ADAMTS16: variants seen among roughly 807,000 people sequenced by gnomAD.
ADAMTS16 encodes the protein A disintegrin and metalloproteinase with thrombospondin motifs 16.
ADAMTS16 carries 94 observed loss-of-function variants against 145.8 expected under a neutral mutation model. The ratio of observed to expected loss-of-function variants is 0.64; its 90% CI spans 0.55 to 0.77. ADAMTS16 has a LOEUF of 0.77. ADAMTS16 is among the 30% of genes least tolerant of loss of function. ADAMTS16 has a pLI of 0.00. For missense variants in ADAMTS16, 1,585 were observed against 1,591.5 expected (o/e 1.00, Z 0.07); for synonymous variants, 659 against 604.3 (o/e 1.09, Z -1.33).
rs531546890 is a variant in ADAMTS16, at chr5:5,231,782, C to T, written c.1702-586C>T. On this transcript the variant is annotated intron_variant, in intron 11 of 22. Coordinates refer to ENST00000274181, the MANE Select transcript of ADAMTS16 (RefSeq NM_139056.4). ...AAGGGGAAGAGATAGCATCTCCAGC[C>T]TTCGTGGGGACAGATGAAATTCCAC... Among the ~76,000 whole-genome samples, 6 of 152,312 alleles carry T rather than the reference C, an allele frequency of 3.9e-5. No individual in the cohort carries two copies. The South Asian group carries it at 1.0e-3, about 26-fold the overall frequency.
intron 17 of ADAMTS16, among the ~76,000 whole-genome samples, chr5:5,257,770 A>C (rs1737843410): frequency 6.6e-6 from 1 of 152,184 alleles, no homozygotes; most frequent in African/African-American, 2.4e-5. Context: ...GACTACCTGG[A>C]ATTAGCATCA....
chr5:5,207,401 C>G (rs1163454675), intron 9 of ADAMTS16, among the ~76,000 whole-genome samples: 1 of 152,060 alleles, frequency 6.6e-6, no homozygotes, highest in Non-Finnish European at 1.5e-5. Context: ...TATCCTGCAA[C>G]TTTGCCGTAA....
intron 18 of ADAMTS16, among the ~76,000 whole-genome samples, chr5:5,267,246 C>A (rs573276972): frequency 6.6e-6 from 1 of 152,134 alleles, no homozygotes; most frequent in Non-Finnish European, 1.5e-5. Flanking sequence ...GCATGTGTTA[C>A]GGTGTGCTCT....
chr5:5,206,583 G>T (rs1419174039), intron 9 of ADAMTS16, among the ~76,000 whole-genome samples: 1 of 151,054 alleles, frequency 6.6e-6, no homozygotes, highest in Non-Finnish European at 1.5e-5. Flanking sequence ...GGGTTCAAGC[G>T]ATTCTCCTGC....
At chr5:5,173,096 G>A (rs1199945726) in intron 3 of ADAMTS16, among the ~76,000 whole-genome samples, 1 of 149,698 alleles carries the variant, frequency 6.7e-6, no homozygotes, top group African/African-American at 2.5e-5. Flanking sequence ...TTTATTTTTA[G>A]TCTATTTTTA....
At chr5:5,242,902 G>C (rs771038903) in intron 17 of ADAMTS16, among the ~76,000 whole-genome samples, 6 of 152,150 alleles carry the variant, frequency 3.9e-5, no homozygotes, top group Non-Finnish European at 8.8e-5. Context: ...AATTCTATCT[G>C]ATATGTATAA....
chr5:5,293,271 C>T (rs887782632), intron 18 of ADAMTS16, among the ~76,000 whole-genome samples: 8 of 152,118 alleles, frequency 5.3e-5, no homozygotes, highest in African/African-American at 1.4e-4. Flanking sequence ...GTCACTGCCT[C>T]TTGTGGCTGT....
In ADAMTS16 at chr5:5,230,577, C is replaced by A. The variant is rs368495042; in HGVS notation, c.1702-1791C>A. On this transcript the variant is annotated intron_variant, in intron 11 of 22. Transcript: ENST00000274181. Reference sequence around the variant, plus strand: ...GGACGTGAGTTATTAAATGTTGAGGCAGGACTGCAGGTTTCAAGGGCTCCT... The same window carrying A: ...GGACGTGAGTTATTAAATGTTGAGGAAGGACTGCAGGTTTCAAGGGCTCCT... Among the ~76,000 whole-genome samples, 41 of 152,256 alleles carry A rather than the reference C, an allele frequency of 2.7e-4. No individual in the cohort carries two copies. The East Asian group carries it at 6.4e-3, about 24-fold the overall frequency.
intron 18 of ADAMTS16, among the ~76,000 whole-genome samples, chr5:5,292,808 T>C (rs1469274813): frequency 6.6e-6 from 1 of 152,134 alleles, no homozygotes; most frequent in Non-Finnish European, 1.5e-5. Context: ...GTTCACCCCT[T>C]CTTGGGACAC....
At chr5:5,166,029 T>C (rs2126533976) in intron 3 of ADAMTS16, among the ~76,000 whole-genome samples, 1 of 152,350 alleles carries the variant, frequency 6.6e-6, no homozygotes, top group African/African-American at 2.4e-5. Context: ...TTATCTCCTG[T>C]CTTCCACAGG....
intron 8 of ADAMTS16, among the ~76,000 whole-genome samples, chr5:5,192,129 A>G (rs772904627): frequency 2.0e-5 from 3 of 152,200 alleles, no homozygotes; most frequent in Non-Finnish European, 4.4e-5. Context: ...AACTACAGGC[A>G]TTCACCACCA....
At chr5:5,279,914 C>A (rs10557727) in intron 18 of ADAMTS16, among the ~76,000 whole-genome samples, 1 of 47,268 alleles carries the variant, frequency 2.1e-5, no homozygotes, top group Non-Finnish European at 5.3e-5. Flanking sequence ...TCTTTTCTTT[C>A]TTTATTTCTC....
At chr5:5,155,791 C>T (rs1734586561) in intron 3 of ADAMTS16, among the ~76,000 whole-genome samples, 2 of 151,954 alleles carry the variant, frequency 1.3e-5, no homozygotes, top group South Asian at 4.2e-4. Context: ...CTGGGAAAAA[C>T]AGGAAGTGAG....
At chr5:5,166,826 G>A (rs1419507040) in intron 3 of ADAMTS16, among the ~76,000 whole-genome samples, 1 of 152,196 alleles carries the variant, frequency 6.6e-6, no homozygotes, top group East Asian at 1.9e-4. Context: ...AGTATCATAT[G>A]TGAATATTTT....
intron 3 of ADAMTS16, among the ~76,000 whole-genome samples, chr5:5,172,088 G>T (rs1735056519): frequency 6.6e-6 from 1 of 151,974 alleles, no homozygotes. Context: ...TCCTTTGTAT[G>T]TCTGTAATGT....
intron 8 of ADAMTS16, among the ~76,000 whole-genome samples, chr5:5,194,818 G>A (rs934162572): frequency 6.6e-6 from 1 of 152,142 alleles, no homozygotes; most frequent in African/African-American, 2.4e-5. Flanking sequence ...AGTTCTGTAC[G>A]TCAAGAATTA....
At chr5:5,175,416 C>T (rs1735165048) in intron 3 of ADAMTS16, among the ~76,000 whole-genome samples, 1 of 152,162 alleles carries the variant, frequency 6.6e-6, no homozygotes, top group South Asian at 2.1e-4. Context: ...TTTTTCTCCT[C>T]TCCTCAAGTA....
chr5:5,185,089 C>T (rs1388163120), intron 4 of ADAMTS16, among the ~76,000 whole-genome samples: 1 of 152,124 alleles, frequency 6.6e-6, no homozygotes, highest in Non-Finnish European at 1.5e-5. Context: ...GAGCTCACAC[C>T]TGCGGGCATT....
At chr5:5,309,488 T>C (rs763343204) in intron 21 of ADAMTS16, among the ~76,000 whole-genome samples, 3 of 152,290 alleles carry the variant, frequency 2.0e-5, no homozygotes, top group Middle Eastern at 3.4e-3. Context: ...AAATGCTTGC[T>C]GAATGGTGAA....
Sources: allele counts gnomAD v4.1 joint callset (sites outside exome capture counted in the v4.1 genomes callset), GRCh38; gene constraint gnomAD v4.1.1; transcripts MANE v1.5; gene names NCBI Gene and HGNC (gene_info 2026-07-23, HGNC 2026-07-21).